The following MBD5 variants were observed in gnomAD, a reference collection of about 807,000 sequenced individuals.
MBD5 encodes the protein methyl-CpG binding domain protein 5.
Under a neutral mutation model 117.3 loss-of-function variants are expected in MBD5, and 13 were observed. The observed-to-expected ratio is 0.11, with a 90% CI of 0.07 to 0.18. The LOEUF is 0.18. MBD5 is among the 10% of genes least tolerant of loss of function. MBD5 has a pLI of 1.00. For missense variants in MBD5, 1,879 were observed against 2,093.8 expected (o/e 0.90, Z 2.00); for synonymous variants, 727 against 766.4 (o/e 0.95, Z 0.85).
chr2:148,203,167 A>G (rs1170498185), intron 2 of MBD5, among the ~76,000 whole-genome samples: 1 of 152,040 alleles, frequency 6.6e-6, no homozygotes, highest in East Asian at 1.9e-4. Context: ...ACAATTTTTA[A>G]TGATTAGGAA....
chr2:148,470,101 A>G lies in MBD5; in HGVS notation c.2158A>G (p.Thr720Ala), dbSNP rs1253723288. ...CQSSHLSSNS[T>A]PGCGASNTAL... The stretch of plus-strand genomic sequence containing the variant: ...AAGCTCTCACTTGAGTAGCAATAGT[A>G]CCCCGGGTTGTGGGGCCTCAAATAC... The change falls in exon 8 of 14, where the codon ACC (threonine) becomes GCC (alanine). Residue 720 changes from threonine (T) to alanine (A), a missense_variant. Thr to Ala is a moderately conservative substitution (Grantham distance 58, BLOSUM62 0). Coordinates refer to ENST00000642680, the MANE Select transcript of MBD5 (RefSeq NM_001378120.1). 2 of 1,613,732 alleles carry G rather than the reference A, an allele frequency of 1.2e-6. No individual in the cohort carries two copies. The highest frequency in any genetic ancestry group is 8.5e-7 in the Non-Finnish European group (1 of 1,179,874).
intron 2 of MBD5, among the ~76,000 whole-genome samples, chr2:148,211,127 A>G (rs1699413336): frequency 6.6e-6 from 1 of 152,176 alleles, no homozygotes; most frequent in African/African-American, 2.4e-5. Flanking sequence ...TCAGTCTAGG[A>G]CGCAAATGAA....
chr2:148,332,437 A>G (rs1030105007), intron 3 of MBD5, among the ~76,000 whole-genome samples: 2 of 152,146 alleles, frequency 1.3e-5, no homozygotes, highest in African/African-American at 2.4e-5. Context: ...TTCACTATCA[A>G]CTTGAGGCTT....
intron 3 of MBD5, among the ~76,000 whole-genome samples, chr2:148,242,912 G>A (rs1700247474): frequency 6.6e-6 from 1 of 152,190 alleles, no homozygotes; most frequent in Admixed American, 6.5e-5. Flanking sequence ...AGGATTTTAT[G>A]TGTGGGTTTC....
At chr2:148,493,120 A>C (rs1681580822) in intron 11 of MBD5, among the ~76,000 whole-genome samples, 1 of 152,222 alleles carries the variant, frequency 6.6e-6, no homozygotes, top group South Asian at 2.1e-4. Flanking sequence ...CTAGGTCCAA[A>C]TCTGTTTATT....
chr2:148,243,356 T>A (rs181010735), intron 3 of MBD5, among the ~76,000 whole-genome samples: 61 of 152,260 alleles, frequency 4.0e-4, no homozygotes, highest in Non-Finnish European at 7.4e-4. Context: ...TAAAATGGAA[T>A]CTTTTTATCT....
chr2:148,023,798 C>G (rs1693829970), intron 1 of MBD5, among the ~76,000 whole-genome samples: 1 of 151,228 alleles, frequency 6.6e-6, no homozygotes, highest in Non-Finnish European at 1.5e-5. Context: ...TTTATCACAC[C>G]CCTCACCCTC....
intron 3 of MBD5, among the ~76,000 whole-genome samples, chr2:148,318,704 T>A (rs970300969): frequency 6.6e-6 from 1 of 152,140 alleles, no homozygotes; most frequent in African/African-American, 2.4e-5. Context: ...TTGAATAGGA[T>A]GTACTTTCTC....
rs1394795420 is a variant in MBD5 at position 148,513,681 on chromosome 2, TAAG to T, written c.*743_*745del. On this transcript the variant is annotated 3_prime_UTR_variant, in exon 14 of 14. Coordinates refer to ENST00000642680, the MANE Select transcript of MBD5 (RefSeq NM_001378120.1). ...GGGATGAGGGCTCACAGGTCTAAAT[TAAG>T]AATTCAGAAACTGCAACCATTTGTT... 1 of 152,184 alleles carries T rather than the reference TAAG, an allele frequency of 6.6e-6. No homozygotes were observed. The highest frequency in any genetic ancestry group is 2.4e-5 in the African/African-American group (1 of 41,444). The allele number at this position is 152,184 out of a possible 1,614,324, so 9.4% of individuals were successfully genotyped here.
chr2:148,041,774 T>C (rs946439690), intron 1 of MBD5, among the ~76,000 whole-genome samples: 2 of 152,216 alleles, frequency 1.3e-5, no homozygotes, highest in Non-Finnish European at 2.9e-5. Flanking sequence ...TCTTCTGCTT[T>C]CCACCCATCT....
At chr2:148,382,906 A>G (rs1704200010) in intron 4 of MBD5, among the ~76,000 whole-genome samples, 1 of 151,490 alleles carries the variant, frequency 6.6e-6, no homozygotes, top group Non-Finnish European at 1.5e-5. Context: ...TTTGAAACCA[A>G]TGAGAACAAA....
chr2:148,449,176 G>T (rs1342217775), intron 4 of MBD5, among the ~76,000 whole-genome samples: 1 of 151,976 alleles, frequency 6.6e-6, no homozygotes, highest in Non-Finnish European at 1.5e-5. Context: ...TTTTTTTAAA[G>T]ATATGTATTT....
intron 2 of MBD5, among the ~76,000 whole-genome samples, chr2:148,209,604 T>C (rs1558973582): frequency 6.6e-6 from 1 of 152,240 alleles, no homozygotes; most frequent in East Asian, 1.9e-4. Context: ...TAGGTTATTT[T>C]TGCATTGCTA....
intron 1 of MBD5, among the ~76,000 whole-genome samples, chr2:148,156,835 G>T (rs1333058456): frequency 6.6e-6 from 1 of 152,100 alleles, no homozygotes; most frequent in East Asian, 1.9e-4. Flanking sequence ...ATAGTGCTCA[G>T]CACACTTGTT....
At chr2:148,468,312 C>T in intron 7 of MBD5, 29 bp from the exon 8 acceptor site, 1 of 1,595,112 alleles carries the variant, frequency 6.3e-7, no homozygotes, top group African/African-American at 1.3e-5. Flanking sequence ...AGACTGTTAA[C>T]AGAATTCTTT....
At chr2:148,149,131 T>C (rs1451011324) in intron 1 of MBD5, among the ~76,000 whole-genome samples, 1 of 144,096 alleles carries the variant, frequency 6.9e-6, no homozygotes. Context: ...GATATTCCCC[T>C]TCCTGTGTCC....
chr2:148,481,208 A>G (rs1024737340), intron 8 of MBD5, among the ~76,000 whole-genome samples: 1 of 152,200 alleles, frequency 6.6e-6, no homozygotes, highest in African/African-American at 2.4e-5. Context: ...AAATATGAAT[A>G]CCAGGCTTTA....
chr2:148,221,257 A>G (rs1260382298), intron 2 of MBD5, among the ~76,000 whole-genome samples: 1 of 152,110 alleles, frequency 6.6e-6, no homozygotes, highest in East Asian at 1.9e-4. Flanking sequence ...TAACTCTTCG[A>G]TACGCTGATT....
At chr2:148,275,433 G>A (rs1048050196) in intron 3 of MBD5, among the ~76,000 whole-genome samples, 12 of 152,224 alleles carry the variant, frequency 7.9e-5, no homozygotes, top group Admixed American at 1.3e-4. Flanking sequence ...ATTATCTCAC[G>A]GGAGTGTGGG....
Sources: gnomAD v4.1 joint callset for allele counts (sites outside exome capture counted in the v4.1 genomes callset) on GRCh38, gnomAD v4.1.1 for gene constraint, MANE v1.5 for transcripts, NCBI Gene and HGNC (gene_info 2026-07-23, HGNC 2026-07-21) for gene names.